DCLK2: variants seen among roughly 807,000 people sequenced by gnomAD.
The protein encoded by DCLK2 is serine/threonine-protein kinase DCLK2.
A neutral mutation model predicts 78.4 loss-of-function variants in DCLK2; 31 were observed. The ratio of observed to expected loss-of-function variants is 0.40; its 90% CI spans 0.30 to 0.53. The LOEUF is 0.53. Among genes scored for constraint, DCLK2 ranks in the 20% least tolerant of loss-of-function variants. The pLI is 0.61. For synonymous variants in DCLK2, 407 were observed against 374.9 expected, an observed-to-expected ratio of 1.09 and a Z score of -0.99; for missense variants, 872 against 973.7, an observed-to-expected ratio of 0.90 and a Z score of 1.39.
chr4:150,110,425 A>AT (rs2150165678), intron 2 of DCLK2, among the ~76,000 whole-genome samples: 1 of 152,238 alleles, frequency 6.6e-6, no homozygotes, highest in African/African-American at 2.4e-5. Flanking sequence ...TAGGTAATAG[A>AT]TAACAACTAA....
intron 2 of DCLK2, among the ~76,000 whole-genome samples, chr4:150,186,737 G>A (rs17026748): frequency 0.17 from 26,596 of 152,150 alleles, 2,476 homozygotes; most frequent in Non-Finnish European, 0.21. Flanking sequence ...AGTTAAATAC[G>A]TAGTCCCAGG....
chr4:150,081,846 A>G (rs1729317419), intron 1 of DCLK2, among the ~76,000 whole-genome samples: 2 of 150,668 alleles, frequency 1.3e-5, no homozygotes, highest in African/African-American at 4.9e-5. Flanking sequence ...AAAAAAAAAA[A>G]AATTAGCCGG....
rs777196662 is a variant in DCLK2, at chr4:150,232,840, C to G, written c.1566+12C>G. On this transcript the variant is annotated intron_variant, in intron 10 of 15. Transcript: ENST00000296550. The stretch of plus-strand genomic sequence containing the variant: ...CAGAGAATCTCTTGGTATGTCATCC[C>G]TGCTTTTTCTGTTCCAATGAATGCC... 4 of 1,605,534 alleles carry G rather than the reference C, an allele frequency of 2.5e-6. No individual in the cohort carries two copies. The highest frequency in any genetic ancestry group is 3.4e-6 in the Non-Finnish European group (4 of 1,175,080).
At position 150,247,627 on chromosome 4, in the gene DCLK2, C is replaced by T. The variant is rs1743429716; in HGVS notation, c.1803C>T (p.Leu601=). Residue 601 remains leucine, a synonymous_variant, in exon 13 of 16, where the codon CTC becomes CTT. Coordinates refer to ENST00000296550, the MANE Select transcript of DCLK2 (RefSeq NM_001040260.4). ...GTGAGAACAATCTCCAGGAAGATCT[C>T]TTCGACCAGATCTTGGCTGGGAAGC... ...FRSENNLQED[L]FDQILAGKLE... The T allele has an allele frequency of 3.1e-6, 5 of 1,613,928 alleles. No individual in the cohort carries two copies. Among genetic ancestry groups the T allele is most frequent in the Non-Finnish European group, 4.2e-6 (5 of 1,179,978 alleles).
At position 150,098,840 on chromosome 4, in the gene DCLK2, C is replaced by T. The variant is rs150681840; in HGVS notation, c.422-3638C>T. On this transcript the variant is annotated intron_variant, in intron 1 of 15. Transcript: ENST00000296550. Reference sequence around the variant, plus strand: ...CCTACTGAGTAGCTGGGATTACAGGCGCCCGCCACCACACCCGGCTAATTT... The same window carrying T: ...CCTACTGAGTAGCTGGGATTACAGGTGCCCGCCACCACACCCGGCTAATTT... Among the ~76,000 whole-genome samples the T allele has an allele frequency of 3.2e-3, 480 of 151,784 alleles. 4 individuals carry two copies. Among genetic ancestry groups the T allele is most frequent in the African/African-American group, 0.01 (432 of 41,376 alleles).
At chr4:150,091,767 TTATGTGTGTGTGTGTGTG>T (rs1160577877) in intron 1 of DCLK2, among the ~76,000 whole-genome samples, 2 of 133,614 alleles carry the variant, frequency 1.5e-5, no homozygotes, top group Non-Finnish European at 3.3e-5. Context: ...AAAGGAACAT[TTATGTGTGTGTGTGTGTG>T]TGTGTGTGTG....
intron 2 of DCLK2, among the ~76,000 whole-genome samples, chr4:150,178,744 C>A (rs769230547): frequency 1.3e-5 from 2 of 152,160 alleles, no homozygotes; most frequent in African/African-American, 2.4e-5. Flanking sequence ...CTTTGTCATT[C>A]GGCAGTCTGA....
chr4:150,247,258 C>T (rs1233060295), intron 12 of DCLK2, among the ~76,000 whole-genome samples: 2 of 152,106 alleles, frequency 1.3e-5, no homozygotes, highest in Non-Finnish European at 2.9e-5. Flanking sequence ...TTTAAGCGTA[C>T]AGTTCAGTAC....
intron 4 of DCLK2, among the ~76,000 whole-genome samples, chr4:150,198,527 C>G (rs980911297): frequency 2.6e-4 from 39 of 152,238 alleles, no homozygotes; most frequent in African/African-American, 9.4e-4. Flanking sequence ...CCACTGGCTT[C>G]TGCCTCATCA....
At chr4:150,229,690 G>A (rs993044489) in intron 8 of DCLK2, among the ~76,000 whole-genome samples, 1 of 152,046 alleles carries the variant, frequency 6.6e-6, no homozygotes, top group Non-Finnish European at 1.5e-5. Flanking sequence ...CAAAGATAAG[G>A]CAGTGTCCTT....
At chr4:150,099,365 A>C (rs953678908) in intron 1 of DCLK2, among the ~76,000 whole-genome samples, 1 of 152,238 alleles carries the variant, frequency 6.6e-6, no homozygotes, top group Admixed American at 6.5e-5. Flanking sequence ...AACCTGATGG[A>C]TTAACATCGA....
chr4:150,217,759 T>C (rs1216799754), intron 5 of DCLK2, among the ~76,000 whole-genome samples: 1 of 152,220 alleles, frequency 6.6e-6, no homozygotes, highest in African/African-American at 2.4e-5. Context: ...ATCCCCTTTA[T>C]TTTTTCATGC....
chr4:150,125,170 ACATT>A (rs1732836220), intron 2 of DCLK2, among the ~76,000 whole-genome samples: 1 of 152,174 alleles, frequency 6.6e-6, no homozygotes, highest in Admixed American at 6.5e-5. Flanking sequence ...TGCCACAGAG[ACATT>A]CAAAGAACTT....
At chr4:150,085,117 A>G (rs866068527) in intron 1 of DCLK2, among the ~76,000 whole-genome samples, 1 of 152,268 alleles carries the variant, frequency 6.6e-6, no homozygotes. Context: ...CATTGTACCA[A>G]TGTAAGAGGT....
At chr4:150,191,944 G>A (rs1479699532) in intron 2 of DCLK2, among the ~76,000 whole-genome samples, 2 of 152,156 alleles carry the variant, frequency 1.3e-5, no homozygotes, top group East Asian at 3.9e-4. Flanking sequence ...GCCTGTTCAA[G>A]TACTAGAGTG....
rs375733896 is a variant in DCLK2, at chr4:150,253,577, G to A, written c.2074-2443G>A. 1.5e-4 allele frequency: 187 copies of A among 1,289,468 alleles called. No homozygotes were observed. The Middle Eastern group carries it at 2.1e-3, about 15-fold the overall frequency. The allele number at this position is 1,289,468 out of a possible 1,614,324, so 79.9% of individuals were successfully genotyped here. A position where few individuals can be genotyped will look rare whatever the true frequency, so the allele number is the denominator to read the frequency against. On this transcript the variant is annotated intron_variant, in intron 15 of 15. Coordinates refer to ENST00000296550, the MANE Select transcript of DCLK2 (RefSeq NM_001040260.4). Reference sequence around the variant, plus strand: ...TCCTGGTATTCACCACGCTGCGTCCGACCAGCGCGCCCCATCCTCAGCCCC... The same window carrying A: ...TCCTGGTATTCACCACGCTGCGTCCAACCAGCGCGCCCCATCCTCAGCCCC...
chr4:150,214,600 A>G (rs373369146), intron 5 of DCLK2, among the ~76,000 whole-genome samples: 4 of 152,204 alleles, frequency 2.6e-5, no homozygotes, highest in Admixed American at 1.3e-4. Flanking sequence ...CAGCAGAGCC[A>G]AAGAGTTGCC....
intron 5 of DCLK2, among the ~76,000 whole-genome samples, chr4:150,207,609 A>G (rs921339580): frequency 2.0e-5 from 3 of 152,296 alleles, no homozygotes; most frequent in South Asian, 4.1e-4. Flanking sequence ...AGGGGCTGGA[A>G]AAAAGCCAGT....
intron 2 of DCLK2, among the ~76,000 whole-genome samples, chr4:150,120,484 G>A (rs7690039): frequency 2.0e-5 from 3 of 152,164 alleles, no homozygotes; most frequent in African/African-American, 7.2e-5. Flanking sequence ...TTAGTGGTCA[G>A]CCTTAAGAAG....
Sources: gnomAD v4.1 joint callset for allele counts (sites outside exome capture counted in the v4.1 genomes callset) on GRCh38, gnomAD v4.1.1 for gene constraint, MANE v1.5 for transcripts, NCBI Gene and HGNC (gene_info 2026-07-23, HGNC 2026-07-21) for gene names.